R3HDM2: variants seen among roughly 807,000 people sequenced by gnomAD.
R3HDM2 encodes the protein R3H domain-containing protein 2.
Under a neutral mutation model 124.5 loss-of-function variants are expected in R3HDM2, and 38 were observed. The ratio of observed to expected loss-of-function variants is 0.31; its 90% CI spans 0.24 to 0.40. The LOEUF is 0.40. Among genes scored for constraint, R3HDM2 ranks in the 10% least tolerant of loss-of-function variants. The pLI is 1.00. For missense variants in R3HDM2, 869 were observed against 1,236.9 expected (o/e 0.70, Z 4.46); for synonymous variants, 391 against 448.0 (o/e 0.87, Z 1.61).
chr12:57,304,912 C>T (rs577425632), intron 3 of R3HDM2, among the ~76,000 whole-genome samples: 1 of 152,198 alleles, frequency 6.6e-6, no homozygotes, highest in East Asian at 1.9e-4. Context: ...TGGCTGGGGG[C>T]GGTGGCTCAT....
At chr12:57,267,338 T>C (rs1340512658) in intron 18 of R3HDM2, among the ~76,000 whole-genome samples, 1 of 152,130 alleles carries the variant, frequency 6.6e-6, no homozygotes, top group Non-Finnish European at 1.5e-5. Flanking sequence ...AGGTGGATCA[T>C]GAGGTCAGGA....
At chr12:57,292,500 T>G in intron 11 of R3HDM2, 72 bp downstream of exon 11, 2 of 1,019,648 alleles carry the variant, frequency 2.0e-6, no homozygotes, top group Non-Finnish European at 2.9e-6. Context: ...TGTGGAGGGT[T>G]CATTCCATTC....
At chr12:57,363,554 T>C (rs1263840573) in intron 2 of R3HDM2, among the ~76,000 whole-genome samples, 1 of 152,166 alleles carries the variant, frequency 6.6e-6, no homozygotes, top group African/African-American at 2.4e-5. Context: ...TAATTTTTAG[T>C]TTCCAGTAAC....
chr12:57,372,724 C>G (rs2063527288), intron 2 of R3HDM2, among the ~76,000 whole-genome samples: 1 of 152,194 alleles, frequency 6.6e-6, no homozygotes, highest in South Asian at 2.1e-4. Flanking sequence ...GGTCTAACAT[C>G]AATTTAGACT....
At chr12:57,376,210 C>T (rs1436435572) in intron 2 of R3HDM2, among the ~76,000 whole-genome samples, 3 of 152,236 alleles carry the variant, frequency 2.0e-5, no homozygotes, top group Non-Finnish European at 4.4e-5. Flanking sequence ...AGAGGACATA[C>T]CTACCTGAAG....
At chr12:57,343,606 G>C (rs182852587) in intron 2 of R3HDM2, among the ~76,000 whole-genome samples, 6 of 152,000 alleles carry the variant, frequency 3.9e-5, no homozygotes, top group Admixed American at 2.0e-4. Context: ...GTATAGCTAT[G>C]GTCAAGGCAT....
intron 2 of R3HDM2, among the ~76,000 whole-genome samples, chr12:57,355,020 C>T (rs537053094): frequency 6.6e-6 from 1 of 151,672 alleles, no homozygotes; most frequent in African/African-American, 2.4e-5. Context: ...TTTGCTTTTC[C>T]TTAGTAGAGT....
chr12:57,408,090 C>T (rs550354598), intron 1 of R3HDM2, among the ~76,000 whole-genome samples: 3 of 152,304 alleles, frequency 2.0e-5, no homozygotes, highest in Non-Finnish European at 4.4e-5. Context: ...CCACCACGCC[C>T]AGCTAGTTTT....
chr12:57,325,972 T>C (rs1247645973), intron 2 of R3HDM2, among the ~76,000 whole-genome samples: 1 of 152,188 alleles, frequency 6.6e-6, no homozygotes, highest in African/African-American at 2.4e-5. Context: ...GTAATTCTTG[T>C]AGTATTTCAA....
At chr12:57,287,217 G>T (rs1292898195) in intron 12 of R3HDM2, among the ~76,000 whole-genome samples, 1 of 152,204 alleles carries the variant, frequency 6.6e-6, no homozygotes, top group Non-Finnish European at 1.5e-5. Context: ...TTAGGATGTT[G>T]AGAGAACTGA....
rs146129636 is a variant in R3HDM2 at position 57,380,539 on chromosome 12, T to C, written c.-36+15210A>G. On this transcript the variant is annotated intron_variant, in intron 2 of 23. Transcript: ENST00000402412. ...TGTTACACAAGTCCCCATACTAGCC[T>C]GGGTACTTATTCAAAGACACAATAA... 1.3e-3 allele frequency among the ~76,000 whole-genome samples: 195 copies of C among 152,298 alleles called. 2 individuals are homozygous for C. The highest frequency in any genetic ancestry group is 4.5e-3 in the African/African-American group (185 of 41,570).
Position 57,256,000 on chromosome 12 carries a change from T to C in R3HDM2, c.2622A>G (p.Thr874=). The change falls in exon 23 of 24, where the codon ACA becomes ACG. Residue 874 remains threonine (T), a synonymous_variant. Transcript: ENST00000402412. ...CATCCCGTGACTCACCAACATCTGCTGTCCCCAGGTCAGTGGAGGCAGATT... is the reference window on the plus strand; with the variant it reads ...CATCCCGTGACTCACCAACATCTGCCGTCCCCAGGTCAGTGGAGGCAGATT... ...ALKSASTDLG[T]ADVVLGRVLE... The C allele has an allele frequency of 6.2e-7, 1 of 1,612,966 alleles. No individual in the cohort carries two copies. The highest frequency in any genetic ancestry group is 8.5e-7 in the Non-Finnish European group (1 of 1,179,434).
intron 2 of R3HDM2, among the ~76,000 whole-genome samples, chr12:57,386,717 A>G (rs1760627562): frequency 6.6e-6 from 1 of 152,230 alleles, no homozygotes; most frequent in African/African-American, 2.4e-5. Flanking sequence ...CACTGGGTGA[A>G]GCCAGCTGGG....
chr12:57,273,337 T>TA (rs546038928), intron 14 of R3HDM2, among the ~76,000 whole-genome samples: 93 of 152,324 alleles, frequency 6.1e-4, no homozygotes, highest in Non-Finnish European at 1.1e-3. Flanking sequence ...ACTAGGAACA[T>TA]AGAGTGTTCT....
intron 2 of R3HDM2, among the ~76,000 whole-genome samples, chr12:57,349,379 C>CAAAAAAAAAAAAA (rs1161831845): frequency 2.4e-4 from 14 of 57,752 alleles, no homozygotes; most frequent in East Asian, 1.4e-3. Context: ...ACTCCGTCTC[C>CAAAAAAAAAAAAA]AAAAAAAAAA....
At chr12:57,381,852 CTGAGGCCCAGGCTGGAG>C (rs2064931851) in intron 2 of R3HDM2, among the ~76,000 whole-genome samples, 1 of 152,054 alleles carries the variant, frequency 6.6e-6, no homozygotes, top group Non-Finnish European at 1.5e-5. Flanking sequence ...GGGTCTCGCT[CTGAGGCCCAGGCTGGAG>C]TGTAGTGGTA....
intron 2 of R3HDM2, among the ~76,000 whole-genome samples, chr12:57,319,925 A>G (rs1324585673): frequency 6.6e-6 from 1 of 152,108 alleles, no homozygotes; most frequent in Non-Finnish European, 1.5e-5. Context: ...ATTCCTGGAA[A>G]CAATTTTTTC....
chr12:57,308,441 T>G (rs556411035), intron 3 of R3HDM2, among the ~76,000 whole-genome samples: 24 of 143,268 alleles, frequency 1.7e-4, no homozygotes, highest in African/African-American at 4.9e-4. Context: ...TCCCAACACT[T>G]AGGGAGGCCA....
At chr12:57,259,128 G>A (rs1266234194) in intron 19 of R3HDM2, 69 bp from the exon 20 acceptor site, 8 of 1,519,614 alleles carry the variant, frequency 5.3e-6, no homozygotes, top group Non-Finnish European at 7.1e-6. Flanking sequence ...CTAGCCCTGA[G>A]TGGGAAAGCA....
Sources: gnomAD v4.1 joint callset for allele counts (sites outside exome capture counted in the v4.1 genomes callset) on GRCh38, gnomAD v4.1.1 for gene constraint, MANE v1.5 for transcripts, NCBI Gene and HGNC (gene_info 2026-07-23, HGNC 2026-07-21) for gene names.